Variants in SREK1IP1 observed in about 807,000 individuals in gnomAD.
The protein encoded by SREK1IP1 is protein SREK1IP1.
In SREK1IP1, 12 loss-of-function variants were observed where a neutral mutation model predicts 22.8. The observed-to-expected ratio is 0.53, with a 90% CI of 0.34 to 0.85. SREK1IP1 has a LOEUF of 0.85. SREK1IP1 is among the 40% of genes least tolerant of loss of function. The pLI, the probability that SREK1IP1 is intolerant of heterozygous loss-of-function variation, is 0.02. For missense variants in SREK1IP1, 147 were observed against 171.8 expected, an observed-to-expected ratio of 0.86 and a Z score of 0.81; for synonymous variants, 53 against 52.7, an observed-to-expected ratio of 1.01 and a Z score of -0.02.
In SREK1IP1 at chr5:64,741,924, G is replaced by GCA. The variant is rs10559949; in HGVS notation, c.62-726_62-725dup. 6.6e-5 allele frequency among the ~76,000 whole-genome samples: 10 copies of GCA among 150,770 alleles called. No individual in the cohort carries two copies. The East Asian group carries it at 7.8e-4, about 12-fold the overall frequency. On this transcript the variant is annotated intron_variant, in intron 2 of 4. Transcript: ENST00000513458. ...AAAAAGCTCACTCGCATGCCTGTGCGCACACACACACACAGCTGGAGAGCT... is the reference window on the plus strand; with the variant it reads ...AAAAAGCTCACTCGCATGCCTGTGCGCACACACACACACACAGCTGGAGAGCT...
Position 64,722,575 on chromosome 5 carries a change from C to T in SREK1IP1, c.*1809G>A, listed in dbSNP as rs1561381336. On this transcript the variant is annotated 3_prime_UTR_variant, in exon 5 of 5. Coordinates refer to ENST00000513458, the MANE Select transcript of SREK1IP1 (RefSeq NM_173829.4). ...TTTAAAAAAGCTTTATATTAAAAAC[C>T]GATTTTTAAAATCTTGATAATCGAA... The T allele has an allele frequency of 6.6e-6, 1 of 152,000 alleles. No individual in the cohort carries two copies. Among genetic ancestry groups the T allele is most frequent in the Non-Finnish European group, 1.5e-5 (1 of 67,992 alleles). 9.4% of individuals were successfully genotyped at this position (152,000 alleles called of 1,614,324 possible).
At chr5:64,762,042 T>A (rs1370299127) in intron 1 of SREK1IP1, among the ~76,000 whole-genome samples, 1 of 152,224 alleles carries the variant, frequency 6.6e-6, no homozygotes, top group Admixed American at 6.5e-5. Context: ...GAATGTCATA[T>A]TCGATTTAAA....
At chr5:64,751,681 C>G (rs1466384815) in intron 2 of SREK1IP1, among the ~76,000 whole-genome samples, 6 of 152,204 alleles carry the variant, frequency 3.9e-5, no homozygotes, top group African/African-American at 1.4e-4. Flanking sequence ...CAATAAAAAA[C>G]ACTTCTACAG....
chr5:64,741,265 G>T, intron 2 of SREK1IP1, 65 bp from the exon 3 acceptor site: 1 of 1,465,914 alleles, frequency 6.8e-7, no homozygotes. Context: ...ATTTTTGTAT[G>T]TTTTGCTGCC....
chr5:64,755,544 AC>A (rs1269795200), intron 1 of SREK1IP1, among the ~76,000 whole-genome samples: 3 of 152,144 alleles, frequency 2.0e-5, no homozygotes, highest in African/African-American at 7.2e-5. Context: ...AATAACAGAT[AC>A]TGGGGACCAT....
intron 1 of SREK1IP1, among the ~76,000 whole-genome samples, chr5:64,767,495 C>T (rs1743062149): frequency 6.6e-6 from 1 of 152,096 alleles, no homozygotes; most frequent in African/African-American, 2.4e-5. Flanking sequence ...TGTACTCCTC[C>T]GCAAACTTCA....
chr5:64,734,492 C>CTT lies in SREK1IP1; in HGVS notation c.206-6315_206-6314dup, dbSNP rs150375379. Among the ~76,000 whole-genome samples the CTT allele has an allele frequency of 3.3e-5, 5 of 150,268 alleles. No homozygotes were observed. The East Asian group carries it at 5.8e-4, about 18-fold the overall frequency. ...CCTGCTGGAATTTTGATTGTGATTC[C>CTT]TTTTTTTTTAATAGATCTGCTTGGG... On this transcript the variant is annotated intron_variant, in intron 3 of 4. Coordinates refer to ENST00000513458, the MANE Select transcript of SREK1IP1 (RefSeq NM_173829.4).
chr5:64,742,191 T>G (rs989486893), intron 2 of SREK1IP1, among the ~76,000 whole-genome samples: 3 of 152,182 alleles, frequency 2.0e-5, no homozygotes, highest in Non-Finnish European at 4.4e-5. Context: ...GATAATGTTC[T>G]ACTGTATGAA....
At chr5:64,753,879 T>A (rs1045497592) in intron 2 of SREK1IP1, among the ~76,000 whole-genome samples, 1 of 152,184 alleles carries the variant, frequency 6.6e-6, no homozygotes. Context: ...TTAAATCAAG[T>A]TTTCGCCCAT....
At chr5:64,732,714 G>A (rs1055753460) in intron 3 of SREK1IP1, among the ~76,000 whole-genome samples, 10 of 151,954 alleles carry the variant, frequency 6.6e-5, no homozygotes, top group Non-Finnish European at 8.8e-5. Context: ...AAATTTTTAC[G>A]GAAATGAAAA....
intron 2 of SREK1IP1, among the ~76,000 whole-genome samples, chr5:64,751,136 A>G (rs1193158472): frequency 2.0e-5 from 3 of 152,012 alleles, no homozygotes; most frequent in Admixed American, 6.5e-5. Flanking sequence ...CCCAAAGAAC[A>G]TTTTTCAGTT....
At chr5:64,728,920 G>A (rs745814987) in intron 3 of SREK1IP1, among the ~76,000 whole-genome samples, 24 of 152,272 alleles carry the variant, frequency 1.6e-4, no homozygotes, top group Middle Eastern at 3.4e-3. Flanking sequence ...CAGGCTGGGC[G>A]CGGTGGCTCA....
chr5:64,721,432 T>G lies in SREK1IP1; in HGVS notation c.*2952A>C, dbSNP rs1469538209. 6.6e-6 allele frequency: 1 copy of G among 151,984 alleles called. No individual in the cohort carries two copies. Among genetic ancestry groups the G allele is most frequent in the Non-Finnish European group, 1.5e-5 (1 of 67,950 alleles). 9.4% of individuals were successfully genotyped at this position (151,984 alleles called of 1,614,324 possible). A position where few individuals can be genotyped will look rare whatever the true frequency, so the allele number is the denominator to read the frequency against. On this transcript the variant is annotated 3_prime_UTR_variant, in exon 5 of 5. Coordinates refer to ENST00000513458, the MANE Select transcript of SREK1IP1 (RefSeq NM_173829.4). The stretch of plus-strand genomic sequence containing the variant: ...TAGGGTTATATAATTTTAGATACAG[T>G]TGTAAATACAAACACATATAGTTGT...
chr5:64,733,257 A>T (rs1742407895), intron 3 of SREK1IP1, among the ~76,000 whole-genome samples: 1 of 152,148 alleles, frequency 6.6e-6, no homozygotes, highest in Non-Finnish European at 1.5e-5. Context: ...CAAATGCCAT[A>T]CTGGGAGTAA....
chr5:64,767,250 C>T (rs1383907440), intron 1 of SREK1IP1, among the ~76,000 whole-genome samples: 2 of 152,210 alleles, frequency 1.3e-5, no homozygotes, highest in East Asian at 3.8e-4. Flanking sequence ...AGTCCTTCTG[C>T]CCATCCTGTA....
Position 64,723,140 on chromosome 5 carries a change from T to C in SREK1IP1, c.*1244A>G, listed in dbSNP as rs1378402083. The C allele has an allele frequency of 6.6e-6, 1 of 152,228 alleles. No individual in the cohort carries two copies. Among genetic ancestry groups the C allele is most frequent in the Non-Finnish European group, 1.5e-5 (1 of 68,036 alleles). The allele number at this position is 152,228 out of a possible 1,614,324, so 9.4% of individuals were successfully genotyped here. ...ACCTAAGTATTAAGCAAAGTAACAC[T>C]GATCAATGTGAAAATAGAAATTTAA... is the stretch of plus-strand genomic sequence containing the variant. On this transcript the variant is annotated 3_prime_UTR_variant, in exon 5 of 5. Coordinates refer to ENST00000513458, the MANE Select transcript of SREK1IP1 (RefSeq NM_173829.4).
At chr5:64,740,900 C>T (rs1334716121) in intron 3 of SREK1IP1, among the ~76,000 whole-genome samples, 157 bp downstream of exon 3, 3 of 152,252 alleles carry the variant, frequency 2.0e-5, no homozygotes, top group African/African-American at 7.2e-5. Flanking sequence ...GCTGTTCAAT[C>T]TTAGGCAAAT....
At position 64,721,882 on chromosome 5, in the gene SREK1IP1, G is replaced by C. The variant is rs1418236073; in HGVS notation, c.*2502C>G. On this transcript the variant is annotated 3_prime_UTR_variant, in exon 5 of 5. Coordinates refer to ENST00000513458, the MANE Select transcript of SREK1IP1 (RefSeq NM_173829.4). ...ATAATTATATATATTAAACCTTGAA[G>C]TGATTTCAGAGATAATCTGGTACAA... The C allele has an allele frequency of 1.3e-5, 2 of 152,052 alleles. No homozygotes were observed. Among genetic ancestry groups the C allele is most frequent in the African/African-American group, 4.8e-5 (2 of 41,390 alleles). The allele number at this position is 152,052 out of a possible 1,614,324, so 9.4% of individuals were successfully genotyped here. A position where few individuals can be genotyped will look rare whatever the true frequency, so the allele number is the denominator to read the frequency against.
intron 3 of SREK1IP1, among the ~76,000 whole-genome samples, chr5:64,740,333 A>G (rs1742532476): frequency 6.6e-6 from 1 of 152,122 alleles, no homozygotes; most frequent in Non-Finnish European, 1.5e-5. Flanking sequence ...TCCTTTTAGT[A>G]GGATGTAACT....
Sources: allele counts gnomAD v4.1 joint callset (sites outside exome capture counted in the v4.1 genomes callset), GRCh38; gene constraint gnomAD v4.1.1; transcripts MANE v1.5; gene names NCBI Gene and HGNC (gene_info 2026-07-23, HGNC 2026-07-21).